Variants in MAN1A1 observed in about 807,000 individuals in gnomAD.
MAN1A1 encodes the protein mannosyl-oligosaccharide 1,2-alpha-mannosidase IA.
Under a neutral mutation model 70.8 loss-of-function variants are expected in MAN1A1, and 29 were observed. The ratio of observed to expected loss-of-function variants is 0.41; its 90% confidence interval spans 0.31 to 0.56. The LOEUF is 0.56. Among genes scored for constraint, MAN1A1 ranks in the 20% least tolerant of loss-of-function variants. The pLI is 0.29. For missense variants in MAN1A1, 747 were observed against 841.3 expected, an observed-to-expected ratio of 0.89 and a Z score of 1.39; for synonymous variants, 349 against 330.1, an observed-to-expected ratio of 1.06 and a Z score of -0.62.
intron 2 of MAN1A1, among the ~76,000 whole-genome samples, chr6:119,321,345 C>T (rs1772998648): frequency 6.6e-6 from 1 of 152,180 alleles, no homozygotes; most frequent in African/African-American, 2.4e-5. Flanking sequence ...CAGAAAATAC[C>T]TTCCCAGTAC....
rs186453216 is a variant in MAN1A1 at position 119,194,896 on chromosome 6, G to A, written c.1211-1004C>T. ...TCACCAGGCTGGAGTGCAATGGTGC[G>A]ATCTCGGCTCATGGCAACCTCCGCC... On this transcript the variant is annotated intron_variant, in intron 8 of 12. Transcript: ENST00000368468. Among the ~76,000 whole-genome samples, 922 of 151,200 alleles carry A rather than the reference G, an allele frequency of 6.1e-3. 5 individuals carry two copies. Among genetic ancestry groups the A allele is most frequent in the Middle Eastern group, 0.038 (11 of 290 alleles).
intron 2 of MAN1A1, among the ~76,000 whole-genome samples, chr6:119,318,511 C>T (rs1772914419): frequency 1.3e-5 from 2 of 152,148 alleles, no homozygotes; most frequent in Admixed American, 6.5e-5. Flanking sequence ...TACTCATGTG[C>T]TGTTGATATA....
chr6:119,269,274 C>T (rs1775846995), intron 5 of MAN1A1: 1 of 286,298 alleles, frequency 3.5e-6, no homozygotes, highest in Non-Finnish European at 6.9e-6. Context: ...TCCTGGGTGG[C>T]TGTCACTGCC....
rs972757600 is a variant in MAN1A1, at chr6:119,244,724, A to G, written c.992+3536T>C. Among the ~76,000 whole-genome samples the G allele has an allele frequency of 2.0e-5, 3 of 152,094 alleles. No individual in the cohort carries two copies. The South Asian group carries it at 6.2e-4, about 31-fold the overall frequency. On this transcript the variant is annotated intron_variant, in intron 6 of 12. Coordinates refer to ENST00000368468, the MANE Select transcript of MAN1A1 (RefSeq NM_005907.4). ...CAAAATGCTGCTTGCTTCAAATTCAACCTGGTGAGTACTTATTATCTCTCC... is the reference window on the plus strand; with the variant it reads ...CAAAATGCTGCTTGCTTCAAATTCAGCCTGGTGAGTACTTATTATCTCTCC...
chr6:119,345,709 A>G (rs939496389), intron 2 of MAN1A1, among the ~76,000 whole-genome samples: 11 of 152,226 alleles, frequency 7.2e-5, no homozygotes, highest in Admixed American at 6.5e-4. Flanking sequence ...TCAAATTACA[A>G]TCCAGTCTTC....
At chr6:119,214,524 T>C (rs1774143984) in intron 6 of MAN1A1, among the ~76,000 whole-genome samples, 1 of 152,142 alleles carries the variant, frequency 6.6e-6, no homozygotes, top group African/African-American at 2.4e-5. Flanking sequence ...TTTGTATTTT[T>C]GTTTTGTGTT....
At chr6:119,258,659 A>G (rs2114347383) in intron 5 of MAN1A1, among the ~76,000 whole-genome samples, 1 of 152,334 alleles carries the variant, frequency 6.6e-6, no homozygotes, top group South Asian at 2.1e-4. Context: ...TTAGTTATGA[A>G]GCATTCTACA....
At chr6:119,240,542 C>T (rs1174396565) in intron 6 of MAN1A1, among the ~76,000 whole-genome samples, 1 of 152,042 alleles carries the variant, frequency 6.6e-6, no homozygotes, top group Non-Finnish European at 1.5e-5. Flanking sequence ...CTCCTGCCTT[C>T]AGAGAATAAA....
intron 5 of MAN1A1, chr6:119,269,477 C>T: frequency 5.8e-6 from 1 of 172,226 alleles, no homozygotes; most frequent in South Asian, 1.3e-4. Flanking sequence ...AAGCAGCATG[C>T]CTCAAGCGGT....
chr6:119,219,726 C>T (rs1391000499), intron 6 of MAN1A1, among the ~76,000 whole-genome samples: 1 of 151,456 alleles, frequency 6.6e-6, no homozygotes, highest in African/African-American at 2.4e-5. Flanking sequence ...AAAAGTGTAA[C>T]AAATTGCTAC....
At chr6:119,292,126 G>A (rs559618508) in intron 4 of MAN1A1, among the ~76,000 whole-genome samples, 1 of 152,016 alleles carries the variant, frequency 6.6e-6, no homozygotes, top group South Asian at 2.1e-4. Flanking sequence ...CTTTATTCAT[G>A]GTCATATAAT....
intron 6 of MAN1A1, among the ~76,000 whole-genome samples, chr6:119,226,938 TG>T (rs1774532596): frequency 6.6e-6 from 1 of 152,186 alleles, no homozygotes; most frequent in Non-Finnish European, 1.5e-5. Flanking sequence ...CCCAGAGTGC[TG>T]GGATTAGAGG....
At chr6:119,329,025 C>G (rs1415747833) in intron 2 of MAN1A1, among the ~76,000 whole-genome samples, 2 of 152,198 alleles carry the variant, frequency 1.3e-5, no homozygotes, top group African/African-American at 4.8e-5. Context: ...CTGGATGCAG[C>G]AGAGATGCCA....
At chr6:119,244,170 G>A (rs78938078) in intron 6 of MAN1A1, among the ~76,000 whole-genome samples, 4,247 of 152,016 alleles carry the variant, frequency 0.028, 93 homozygotes, top group Non-Finnish European at 0.045. Flanking sequence ...TACAGAAATG[G>A]TGAAATGCCT....
intron 4 of MAN1A1, among the ~76,000 whole-genome samples, chr6:119,291,062 C>A (rs1479923480): frequency 2.0e-5 from 3 of 151,940 alleles, no homozygotes; most frequent in African/African-American, 7.2e-5. Context: ...TGTGTCCCCA[C>A]CCAAATCTCA....
At chr6:119,240,674 C>A (rs1348955579) in intron 6 of MAN1A1, among the ~76,000 whole-genome samples, 1 of 152,148 alleles carries the variant, frequency 6.6e-6, no homozygotes, top group Non-Finnish European at 1.5e-5. Context: ...AAATTCCTAC[C>A]GCCTCACAAT....
intron 4 of MAN1A1, among the ~76,000 whole-genome samples, chr6:119,300,160 G>A (rs7743979): frequency 0.38 from 57,150 of 151,590 alleles, 11,190 homozygotes; most frequent in Non-Finnish European, 0.41. Context: ...GATATCAGTC[G>A]GTTTCATACA....
intron 8 of MAN1A1, among the ~76,000 whole-genome samples, chr6:119,196,689 A>G (rs1023101559): frequency 4.6e-5 from 7 of 152,242 alleles, no homozygotes; most frequent in African/African-American, 1.7e-4. Flanking sequence ...TAGCAAAAGA[A>G]TCAAGACAAA....
intron 4 of MAN1A1, among the ~76,000 whole-genome samples, chr6:119,292,048 T>C (rs2114420886): frequency 6.6e-6 from 1 of 152,186 alleles, no homozygotes; most frequent in Non-Finnish European, 1.5e-5. Context: ...ACTTGAGTAC[T>C]GTGGCTCCTG....
Sources: allele counts gnomAD v4.1 joint callset (sites outside exome capture counted in the v4.1 genomes callset), GRCh38; gene constraint gnomAD v4.1.1; transcripts MANE v1.5; gene names NCBI Gene and HGNC (gene_info 2026-07-23, HGNC 2026-07-21).